FHL2: variants seen among roughly 807,000 people sequenced by gnomAD.
The protein encoded by FHL2 is four and a half LIM domains protein 2.
FHL2 carries 20 observed loss-of-function variants against 32.7 expected under a neutral mutation model. The ratio of observed to expected loss-of-function variants is 0.61; its 90% CI spans 0.43 to 0.89. The LOEUF (loss-of-function observed/expected upper bound fraction) is 0.89. FHL2 is among the 40% of genes least tolerant of loss of function. The probability of loss-of-function intolerance (pLI) is 0.00; values close to 1 mark genes in which losing one functional copy is unlikely to be tolerated. For synonymous variants in FHL2, 123 were observed against 128.1 expected (o/e 0.96, Z 0.27); for missense variants, 311 against 358.6 (o/e 0.87, Z 1.07).
At chr2:105,399,511 T>G (rs1683382127), upstream of FHL2, 3 of 1,536,064 alleles carry the variant, frequency 2.0e-6, no homozygotes, top group Non-Finnish European at 2.6e-6. Context: ...ACCCTGCAGA[T>G]GCTTCTTTAC....
chr2:105,438,161 C>A (rs552008112), intron 1 of FHL2, among the ~76,000 whole-genome samples: 108 of 152,320 alleles, frequency 7.1e-4, no homozygotes, highest in South Asian at 3.9e-3. Flanking sequence ...CAAGCTGACA[C>A]CCCCTGTAGC....
chr2:105,399,015 G>C lies in FHL2; in HGVS notation c.-249C>G. On this transcript the variant is annotated 5_prime_UTR_variant, in exon 1 of 7. Coordinates refer to ENST00000530340, the MANE Select transcript of FHL2 (RefSeq NM_001318895.3). ...ACTCCCGGACGGGGCTGGAGGGCGC[G>C]GGCGGCTGGTGGCTGCGGCTCCGCT... The C allele has an allele frequency of 1.3e-6, 2 of 1,497,030 alleles. No individual in the cohort carries two copies. The highest frequency in any genetic ancestry group is 1.8e-6 in the Non-Finnish European group (2 of 1,126,404). The allele number at this position is 1,497,030 out of a possible 1,614,324, so 92.7% of individuals were successfully genotyped here.
intron 2 of FHL2, among the ~76,000 whole-genome samples, chr2:105,394,402 T>C (rs564028151): frequency 1.9e-4 from 28 of 145,606 alleles, no homozygotes; most frequent in African/African-American, 7.1e-4. Context: ...ACCCGGTCTC[T>C]AAAAAAAAAA....
At chr2:105,358,197 C>T (rs1294511741), downstream of FHL2, 1 of 152,230 alleles carries the variant, frequency 6.6e-6, no homozygotes, top group Non-Finnish European at 1.5e-5. Context: ...TGACAATCCC[C>T]TTAGGCAAAG....
intron 1 of FHL2, among the ~76,000 whole-genome samples, chr2:105,411,113 G>A (rs796207061): frequency 6.6e-6 from 1 of 152,308 alleles, no homozygotes; most frequent in African/African-American, 2.4e-5. Flanking sequence ...GCGAGCCTCT[G>A]TGGACACAGG....
intron 1 of FHL2, among the ~76,000 whole-genome samples, chr2:105,431,644 GT>G (rs1684435717): frequency 6.6e-6 from 1 of 152,230 alleles, no homozygotes; most frequent in African/African-American, 2.4e-5. Flanking sequence ...GTAGGGCTCT[GT>G]TGGCTATGGT....
intron 1 of FHL2, among the ~76,000 whole-genome samples, chr2:105,422,267 A>G (rs1235258421): frequency 1.3e-5 from 2 of 152,106 alleles, no homozygotes; most frequent in Non-Finnish European, 2.9e-5. Flanking sequence ...AATGGCAAGA[A>G]CTCCCATGCC....
upstream of FHL2, chr2:105,399,155 G>T: frequency 7.3e-7 from 1 of 1,364,328 alleles, no homozygotes; most frequent in Non-Finnish European, 9.4e-7. Context: ...GGGCGCGGGG[G>T]GCGGGCGCCC....
At position 105,383,399 on chromosome 2, in the gene FHL2, C is replaced by CT. The variant is rs564880337; in HGVS notation, c.156+2961dup. On this transcript the variant is annotated intron_variant, in intron 3 of 6. Coordinates refer to ENST00000530340, the MANE Select transcript of FHL2 (RefSeq NM_001318895.3). ...GCCATACAAATCAATAATCTTTACC[C>CT]TTTGAGATCACAGCATTTTCCCAGA... Among the ~76,000 whole-genome samples, 85 of 152,288 alleles carry CT rather than the reference C, an allele frequency of 5.6e-4. No homozygotes were observed. The South Asian group carries it at 0.017, about 30-fold the overall frequency.
rs1291351196 is a variant in FHL2, at chr2:105,393,089, C to G, written c.-25+3558G>C. ...GGCTCAGGCCTTGGAGTTCCAGGAG[C>G]CTGGCAGATCCCTACAGGTAAAGCC... On this transcript the variant is annotated intron_variant, in intron 2 of 6. Transcript: ENST00000530340. Among the ~76,000 whole-genome samples, 7 of 152,058 alleles carry G rather than the reference C, an allele frequency of 4.6e-5. No individual in the cohort carries two copies. The East Asian group carries it at 1.4e-3, about 29-fold the overall frequency.
At chr2:105,390,979 A>ATGTGTG (rs200723734) in intron 2 of FHL2, among the ~76,000 whole-genome samples, 1 of 148,860 alleles carries the variant, frequency 6.7e-6, no homozygotes, top group African/African-American at 2.5e-5. Flanking sequence ...GTGTGTGTGT[A>ATGTGTG]TGTGTGTGTG....
Position 105,361,421 on chromosome 2 carries a change from TGTGCCACCAA to T in FHL2, c.692_701del (p.Leu231GlnfsTer81). 6.2e-7 allele frequency: 1 copy of T among 1,614,060 alleles called. No homozygotes were observed. Among genetic ancestry groups the T allele is most frequent in the Non-Finnish European group, 8.5e-7 (1 of 1,179,958 alleles). On this transcript the variant is annotated frameshift_variant, in exon 7 of 7. Coordinates refer to ENST00000530340, the MANE Select transcript of FHL2 (RefSeq NM_001318895.3). LOFTEE classifies it high-confidence loss of function. ...GCCGTTCCTCAAAGGAGATGTATTT[TGTGCCACCAA>T]GTCCTGTTAACAGAGAGAAAATAAT...
At chr2:105,373,969 CAT>C in intron 3 of FHL2, 1 of 559,040 alleles carries the variant, frequency 1.8e-6, no homozygotes, top group Non-Finnish European at 3.2e-6. Flanking sequence ...CATGTATGCA[CAT>C]GTCTGTGTGT....
intron 1 of FHL2, among the ~76,000 whole-genome samples, chr2:105,397,161 AT>A (rs1480945639): frequency 1.6e-4 from 24 of 152,244 alleles, no homozygotes; most frequent in African/African-American, 4.6e-4. Context: ...GTTAAAAAAA[AT>A]AAATAAATAT....
intron 1 of FHL2, among the ~76,000 whole-genome samples, chr2:105,437,578 T>C (rs1405921634): frequency 6.6e-6 from 1 of 152,230 alleles, no homozygotes; most frequent in African/African-American, 2.4e-5. Flanking sequence ...AACACTATCT[T>C]TGGACGTCAG....
At chr2:105,391,768 A>C (rs1435419570) in intron 2 of FHL2, among the ~76,000 whole-genome samples, 2 of 152,128 alleles carry the variant, frequency 1.3e-5, no homozygotes, top group Non-Finnish European at 2.9e-5. Flanking sequence ...TTATTAACCT[A>C]ATTGTGTACA....
chr2:105,424,787 C>T (rs1428031728), intron 1 of FHL2, among the ~76,000 whole-genome samples: 2 of 152,146 alleles, frequency 1.3e-5, no homozygotes, highest in African/African-American at 4.8e-5. Flanking sequence ...AACCAAACAC[C>T]ACATGTTCTC....
At chr2:105,414,235 A>G (rs1683869581) in intron 1 of FHL2, among the ~76,000 whole-genome samples, 1 of 152,194 alleles carries the variant, frequency 6.6e-6, no homozygotes, top group African/African-American at 2.4e-5. Flanking sequence ...ACCACCCTCC[A>G]GGAACCTCCC....
intron 6 of FHL2, 22 bp from the exon 7 acceptor site, chr2:105,361,456 T>C: frequency 1.9e-6 from 3 of 1,602,530 alleles, no homozygotes; most frequent in African/African-American, 1.3e-5. Context: ...GAGAAAATAA[T>C]ACCGGATGAA....
Sources: gnomAD v4.1 joint callset for allele counts (sites outside exome capture counted in the v4.1 genomes callset) on GRCh38, gnomAD v4.1.1 for gene constraint, MANE v1.5 for transcripts, NCBI Gene and HGNC (gene_info 2026-07-23, HGNC 2026-07-21) for gene names.